Variants in TMED10 observed in about 807,000 individuals in gnomAD.
TMED10 encodes the protein transmembrane p24 trafficking protein 10.
TMED10 carries 7 observed loss-of-function variants against 23.1 expected under a neutral mutation model. The ratio of observed to expected loss-of-function variants is 0.30; its 90% CI spans 0.17 to 0.57. The LOEUF (loss-of-function observed/expected upper bound fraction) is 0.57, where lower values mean the gene tolerates loss of function less well. Among genes scored for constraint, TMED10 ranks in the 20% least tolerant of loss-of-function variants. The pLI, the probability that TMED10 is intolerant of heterozygous loss-of-function variation, is 0.91. For synonymous variants in TMED10, 113 were observed against 106.9 expected (o/e 1.06, Z -0.35); for missense variants, 162 against 274.8 (o/e 0.59, Z 2.90).
chr14:75,142,921 C>T (rs560105870), intron 3 of TMED10, among the ~76,000 whole-genome samples: 3 of 152,122 alleles, frequency 2.0e-5, no homozygotes, highest in South Asian at 4.1e-4. Flanking sequence ...TGCAGTGGCA[C>T]GATCTTGGCT....
chr14:75,151,212 TTTG>T lies in TMED10; in HGVS notation c.337+817_337+819del, dbSNP rs904730426. Among the ~76,000 whole-genome samples, 5 of 150,498 alleles carry T rather than the reference TTTG, an allele frequency of 3.3e-5. No individual in the cohort carries two copies. In the Admixed American group the frequency reaches 3.3e-4, roughly 10 times the overall value. On this transcript the variant is annotated intron_variant, in intron 2 of 4. Coordinates refer to ENST00000303575, the MANE Select transcript of TMED10 (RefSeq NM_006827.6). The stretch of plus-strand genomic sequence containing the variant: ...GAGTCACTGCGCCCGGCCAGTTTTT[TTTG>T]TTGTTGTTGTTGTTTATTTTTTTGA...
chr14:75,172,252 G>T (rs1009498596), intron 1 of TMED10, among the ~76,000 whole-genome samples: 2 of 151,922 alleles, frequency 1.3e-5, no homozygotes, highest in African/African-American at 4.8e-5. Context: ...ACTTTCAAAA[G>T]ATATTTTTGA....
At chr14:75,137,919 G>A (rs1306640220) in intron 3 of TMED10, among the ~76,000 whole-genome samples, 1 of 151,980 alleles carries the variant, frequency 6.6e-6, no homozygotes, top group East Asian at 1.9e-4. Flanking sequence ...ACGTTGGCCA[G>A]GCTGGTCTTG....
intron 1 of TMED10, among the ~76,000 whole-genome samples, chr14:75,154,350 C>T (rs1305404913): frequency 8.3e-6 from 1 of 120,432 alleles, no homozygotes; most frequent in Non-Finnish European, 1.6e-5. Flanking sequence ...TGCGGTGAGC[C>T]GAGACTGTGC....
rs796885769 is a variant in TMED10 at position 75,132,648 on chromosome 14, G to C, written c.*2237C>G. ...GAGGAAGACACAAGGAGTCAAAAGGGGGAAAAAAAAAGTTTGGGTTCATAG... is the reference window on the plus strand; with the variant it reads ...GAGGAAGACACAAGGAGTCAAAAGGCGGAAAAAAAAAGTTTGGGTTCATAG... On this transcript the variant is annotated 3_prime_UTR_variant, in exon 5 of 5. Coordinates refer to ENST00000303575, the MANE Select transcript of TMED10 (RefSeq NM_006827.6). 2.0e-5 allele frequency: 3 copies of C among 151,830 alleles called. No homozygotes were observed. Among genetic ancestry groups the C allele is most frequent in the African/African-American group, 7.3e-5 (3 of 41,346 alleles). 9.4% of individuals were successfully genotyped at this position (151,830 alleles called of 1,614,324 possible).
intron 2 of TMED10, among the ~76,000 whole-genome samples, chr14:75,149,921 T>G (rs1270679602): frequency 6.6e-6 from 1 of 152,096 alleles, no homozygotes; most frequent in African/African-American, 2.4e-5. Flanking sequence ...TTGGCCAACA[T>G]GATGAAACCC....
chr14:75,149,594 G>A (rs1403527058), intron 2 of TMED10, among the ~76,000 whole-genome samples: 4 of 152,350 alleles, frequency 2.6e-5, no homozygotes, highest in African/African-American at 9.6e-5. Flanking sequence ...TGGTGAAAAT[G>A]CAAAGCACTG....
At chr14:75,172,559 C>T (rs969888446) in intron 1 of TMED10, among the ~76,000 whole-genome samples, 4 of 152,112 alleles carry the variant, frequency 2.6e-5, no homozygotes, top group Admixed American at 1.3e-4. Context: ...TCGCCCACCT[C>T]GGCCTCCCAA....
intron 1 of TMED10, 23 bp downstream of exon 1, chr14:75,176,332 C>G: frequency 6.2e-7 from 1 of 1,613,058 alleles, no homozygotes; most frequent in Non-Finnish European, 8.5e-7. Context: ...TCCCTCCCGG[C>G]CCCACGTCGC....
chr14:75,139,287 A>C, intron 3 of TMED10: 1 of 354,080 alleles, frequency 2.8e-6, no homozygotes. Flanking sequence ...CAAAAATGTC[A>C]GTGCTTATCA....
chr14:75,169,536 T>G (rs1331579145), intron 1 of TMED10, among the ~76,000 whole-genome samples: 2 of 152,152 alleles, frequency 1.3e-5, no homozygotes, highest in Non-Finnish European at 1.5e-5. Context: ...TACGCGCCTA[T>G]AATCCCAGCT....
chr14:75,150,534 T>C (rs1895942976), intron 2 of TMED10, among the ~76,000 whole-genome samples: 1 of 152,216 alleles, frequency 6.6e-6, no homozygotes, highest in African/African-American at 2.4e-5. Flanking sequence ...CATAAGATTA[T>C]TATAATACTG....
In TMED10 at chr14:75,161,911, G is replaced by T. The variant is rs1442539693; in HGVS notation, c.226-9768C>A. ...TCCCTTCTCCAATAAAAGCAACCAGGGCTCCTTGGAGAAATGATCCTAAGA... is the reference window on the plus strand; with the variant it reads ...TCCCTTCTCCAATAAAAGCAACCAGTGCTCCTTGGAGAAATGATCCTAAGA... On this transcript the variant is annotated intron_variant, in intron 1 of 4. Transcript: ENST00000303575. Among the ~76,000 whole-genome samples, 4 of 151,874 alleles carry T rather than the reference G, an allele frequency of 2.6e-5. No individual in the cohort carries two copies. In the East Asian group the frequency reaches 7.7e-4, roughly 29 times the overall value.
At chr14:75,170,802 A>G (rs1896224386) in intron 1 of TMED10, among the ~76,000 whole-genome samples, 1 of 152,226 alleles carries the variant, frequency 6.6e-6, no homozygotes, top group African/African-American at 2.4e-5. Context: ...TAATTCCTTA[A>G]GAATAATTTC....
intron 1 of TMED10, among the ~76,000 whole-genome samples, chr14:75,158,256 C>A (rs181685808): frequency 6.6e-6 from 1 of 152,280 alleles, no homozygotes; most frequent in Admixed American, 6.5e-5. Context: ...CTTGAAGATT[C>A]TTAAAGGCCT....
intron 3 of TMED10, among the ~76,000 whole-genome samples, chr14:75,146,398 T>C (rs1286227463): frequency 1.3e-5 from 2 of 152,242 alleles, no homozygotes; most frequent in Non-Finnish European, 1.5e-5. Context: ...CCTAGACAAT[T>C]TTCCTAAATC....
In TMED10 at chr14:75,147,737, C is replaced by T; in HGVS notation, c.338G>A (p.Gly113Glu). ...GAGTTGGTCAGGTATCCGCCCTGTT[C>T]CTGAGAAAGAAATCAAAGGAATCAT... ...DMFEVCFESK[G>E]TGRIPDQLVI... is the part of the protein sequence containing the mutation. The change falls in exon 3 of 5, where the codon GGA (glycine) becomes GAA (glutamate). Residue 113 changes from glycine to glutamate, a missense_variant and splice_region_variant. Gly to Glu is a moderately conservative substitution (Grantham distance 98). Around this residue, in one of 2 missense-constraint regions of TMED10, gnomAD observed 126 missense variants for 239.5 expected, o/e 0.53. Coordinates refer to ENST00000303575, the MANE Select transcript of TMED10 (RefSeq NM_006827.6). 6.2e-7 allele frequency: 1 copy of T among 1,614,048 alleles called. No individual in the cohort carries two copies.
chr14:75,139,018 T>C (rs980627591), intron 3 of TMED10: 1 of 347,328 alleles, frequency 2.9e-6, no homozygotes, highest in African/African-American at 2.2e-5. Flanking sequence ...AAATATATTC[T>C]TTGGCTAAAA....
chr14:75,159,221 T>C (rs369590880), intron 1 of TMED10, among the ~76,000 whole-genome samples: 2 of 152,370 alleles, frequency 1.3e-5, no homozygotes, highest in South Asian at 4.1e-4. Context: ...ATTTGGACTT[T>C]CCTCCTAAGA....
Sources: gnomAD v4.1 joint callset for allele counts (sites outside exome capture counted in the v4.1 genomes callset) on GRCh38, gnomAD v4.1.1 for gene constraint, gnomAD v4.1.1 regional missense constraint, MANE v1.5 for transcripts, NCBI Gene and HGNC (gene_info 2026-07-23, HGNC 2026-07-21) for gene names.